NR2F1-AS1: variants seen among roughly 807,000 people sequenced by gnomAD.
NR2F1-AS1 encodes NR2F1 regulatory antisense RNA 1, also known as NR2F1 antisense RNA 1.
chr5:93,469,028 T>A, intron 4 of NR2F1-AS1, among the ~76,000 whole-genome samples: 1 of 152,178 alleles, frequency 6.6e-6, no homozygotes, highest in East Asian at 1.9e-4. Flanking sequence ...GATAATTCTT[T>A]AACCCAAAGG....
intron 4 of NR2F1-AS1, among the ~76,000 whole-genome samples, chr5:93,469,957 T>TA (rs1333868358): frequency 6.6e-6 from 1 of 152,054 alleles, no homozygotes; most frequent in African/African-American, 2.4e-5. Context: ...TAGTACAACA[T>TA]ATTTATCAAA....
At chr5:93,584,277 G>GGCGGCAGCTCCA (rs1266202922), upstream of NR2F1-AS1, 1 of 149,112 alleles carries the variant, frequency 6.7e-6, no homozygotes, top group African/African-American at 2.4e-5. Flanking sequence ...CAGCAGCTCC[G>GGCGGCAGCTCCA]GCGGCAGCTC....
At chr5:93,560,169 T>C (rs1281478656) in intron 2 of NR2F1-AS1, among the ~76,000 whole-genome samples, 9 of 152,216 alleles carry the variant, frequency 5.9e-5, no homozygotes. Context: ...TGAAATGTGC[T>C]TAACAGATAT....
chr5:93,556,026 G>A (rs2149915723), intron 2 of NR2F1-AS1, among the ~76,000 whole-genome samples: 1 of 152,098 alleles, frequency 6.6e-6, no homozygotes, highest in East Asian at 1.9e-4. Context: ...AGGATCCCTT[G>A]ACAATATAAC....
chr5:93,548,708 CA>C lies in NR2F1-AS1; in HGVS notation n.638+5052del, dbSNP rs1445839177. Among the ~76,000 whole-genome samples, 342 of 136,796 alleles carry C rather than the reference CA, an allele frequency of 2.5e-3. 1 individual carries two copies. The highest frequency in any genetic ancestry group is 7.2e-3 in the Middle Eastern group (2 of 278). The allele number at this position is 136,796 out of a possible 152,430, so 89.7% of individuals were successfully genotyped here. A position where few individuals can be genotyped will look rare whatever the true frequency, so the allele number is the denominator to read the frequency against. On this transcript the variant is annotated intron_variant and non_coding_transcript_variant, in intron 4 of 5. Transcript: ENST00000660523. ...TGAGACCCTGTCTCTACTAAAAATA[CA>C]AAAAAAAAAAAATTGACTGGGTGTA... is the stretch of plus-strand genomic sequence containing the variant.
intron 4 of NR2F1-AS1, among the ~76,000 whole-genome samples, chr5:93,508,679 T>A (rs1298464444): frequency 2.0e-5 from 3 of 151,566 alleles, no homozygotes; most frequent in Non-Finnish European, 4.4e-5. Flanking sequence ...CACAAAATGG[T>A]ACAAGTTTAC....
chr5:93,552,037 C>A (rs1752242401), intron 4 of NR2F1-AS1, among the ~76,000 whole-genome samples: 1 of 152,128 alleles, frequency 6.6e-6, no homozygotes, highest in African/African-American at 2.4e-5. Context: ...TTAGCTTATT[C>A]ATTCATTCAT....
At chr5:93,502,667 C>T (rs1025609887) in intron 4 of NR2F1-AS1, among the ~76,000 whole-genome samples, 4 of 151,824 alleles carry the variant, frequency 2.6e-5, no homozygotes, top group African/African-American at 9.7e-5. Flanking sequence ...ACTCACTAGC[C>T]CAGGAGAGCA....
chr5:93,448,380 A>C (rs1005084073), intron 4 of NR2F1-AS1, among the ~76,000 whole-genome samples: 2 of 152,216 alleles, frequency 1.3e-5, no homozygotes, highest in African/African-American at 4.8e-5. Flanking sequence ...AAAAATCAAA[A>C]GCATTTTAAT....
chr5:93,503,124 T>C (rs889938579), intron 4 of NR2F1-AS1, among the ~76,000 whole-genome samples: 1 of 152,180 alleles, frequency 6.6e-6, no homozygotes, highest in Non-Finnish European at 1.5e-5. Flanking sequence ...GAATCAAGAA[T>C]GTTAAAAACT....
Position 93,521,461 on chromosome 5 carries a change from T to C in NR2F1-AS1, n.638+32300A>G, listed in dbSNP as rs144839658. Among the ~76,000 whole-genome samples, 26 of 152,218 alleles carry C rather than the reference T, an allele frequency of 1.7e-4. No homozygotes were observed. The East Asian group carries it at 4.8e-3, about 28-fold the overall frequency. ...TGGGAGAAAATATTTGCAAACTATG[T>C]ACCCAACAGAGGTCTAATATCCAGC... is the stretch of plus-strand genomic sequence containing the variant. On this transcript the variant is annotated intron_variant and non_coding_transcript_variant, in intron 4 of 5. Transcript: ENST00000660523.
intron 4 of NR2F1-AS1, among the ~76,000 whole-genome samples, chr5:93,419,620 T>C (rs942339954): frequency 2.0e-5 from 3 of 152,168 alleles, no homozygotes; most frequent in Non-Finnish European, 4.4e-5. Flanking sequence ...TGCATATGCA[T>C]AGAAATATCG....
intron 2 of NR2F1-AS1, among the ~76,000 whole-genome samples, chr5:93,559,304 T>C (rs1224598500): frequency 6.6e-6 from 1 of 152,224 alleles, no homozygotes; most frequent in Non-Finnish European, 1.5e-5. Context: ...TCATTTTCTG[T>C]GTAACTTCCT....
Position 93,419,384 on chromosome 5 carries a change from T to C in NR2F1-AS1, n.639-23842A>G, listed in dbSNP as rs542973326. Among the ~76,000 whole-genome samples the C allele has an allele frequency of 2.2e-4, 34 of 152,348 alleles. No homozygotes were observed. In the South Asian group the frequency reaches 4.1e-3, roughly 19 times the overall value. ...TATGTAGTTATGTATATTTCTGTTATGTGATATTCAAGTAAAAACATTTCT... is the reference window on the plus strand; with the variant it reads ...TATGTAGTTATGTATATTTCTGTTACGTGATATTCAAGTAAAAACATTTCT... On this transcript the variant is annotated intron_variant and non_coding_transcript_variant, in intron 4 of 5. Coordinates refer to ENST00000660523, the Ensembl canonical transcript of NR2F1-AS1.
intron 4 of NR2F1-AS1, among the ~76,000 whole-genome samples, chr5:93,532,686 A>G (rs1254175745): frequency 6.6e-6 from 1 of 152,270 alleles, no homozygotes; most frequent in Non-Finnish European, 1.5e-5. Flanking sequence ...GTTTGGCAGG[A>G]CATATCCAGG....
chr5:93,422,107 A>T (rs191347400), intron 4 of NR2F1-AS1: 2 of 152,330 alleles, frequency 1.3e-5, no homozygotes, highest in Admixed American at 1.3e-4. Flanking sequence ...ACATCTGACG[A>T]GGCGAATCAA....
At chr5:93,413,208 GTATAT>G (rs1748897849) in intron 4 of NR2F1-AS1, among the ~76,000 whole-genome samples, 1 of 128,568 alleles carries the variant, frequency 7.8e-6, no homozygotes. Flanking sequence ...GTATATATAT[GTATAT>G]ATATATATGT....
At chr5:93,582,987 G>T (rs1481844669), upstream of NR2F1-AS1, among the ~76,000 whole-genome samples, 2 of 151,996 alleles carry the variant, frequency 1.3e-5, no homozygotes, top group Admixed American at 6.6e-5. Context: ...AGGGGGGAGG[G>T]GCTCTCCAAC....
chr5:93,561,796 T>G (rs1007676876), intron 2 of NR2F1-AS1, among the ~76,000 whole-genome samples: 1 of 152,042 alleles, frequency 6.6e-6, no homozygotes, highest in Admixed American at 6.5e-5. Context: ...AATTTTATAA[T>G]TATATTTATA....
Sources: allele counts gnomAD v4.1 joint callset (sites outside exome capture counted in the v4.1 genomes callset), GRCh38; gene constraint gnomAD v4.1.1; transcripts MANE v1.5; gene names NCBI Gene and HGNC (gene_info 2026-07-23, HGNC 2026-07-21).